The following UGT1A8 variants were observed in gnomAD, a reference collection of about 807,000 sequenced individuals.
UGT1A8 encodes the protein UDP glucuronosyltransferase family 1 member A8.
A neutral mutation model predicts 45.3 loss-of-function variants in UGT1A8; 39 were observed. The observed-to-expected ratio is 0.86, with a 90% CI of 0.67 to 1.12. The LOEUF (loss-of-function observed/expected upper bound fraction) is 1.12, where lower values mean the gene tolerates loss of function less well. Ranked by LOEUF, UGT1A8 falls within the 50% of genes most tolerant of loss-of-function variation. UGT1A8 has a pLI of 0.00. For synonymous variants in UGT1A8, 275 were observed against 249.2 expected, an observed-to-expected ratio of 1.10 and a Z score of -0.97; for missense variants, 719 against 664.9, an observed-to-expected ratio of 1.08 and a Z score of -0.90.
chr2:233,658,527 T>C (rs565484854), intron 1 of UGT1A8, among the ~76,000 whole-genome samples: 1 of 152,282 alleles, frequency 6.6e-6, no homozygotes, highest in East Asian at 1.9e-4. Context: ...CGTGTGACAG[T>C]TTTTCAGACT....
rs144715131 is a variant in UGT1A8, at chr2:233,619,677, A to G, written c.855+1115A>G. On this transcript the variant is annotated intron_variant, in intron 1 of 4. Transcript: ENST00000373450. ...TTTTGAAACTATTTTTTTACAGGGT[A>G]ATTTTTCCATTTCTACAATTAACTG... Among the ~76,000 whole-genome samples the G allele has an allele frequency of 5.9e-5, 9 of 152,288 alleles. No homozygotes were observed. The East Asian group carries it at 1.7e-3, about 29-fold the overall frequency.
At chr2:233,744,513 A>C (rs1259623883) in intron 1 of UGT1A8, among the ~76,000 whole-genome samples, 1 of 151,992 alleles carries the variant, frequency 6.6e-6, no homozygotes, top group Non-Finnish European at 1.5e-5. Context: ...CCCATGACAC[A>C]ATAGCAAATC....
At chr2:233,720,787 C>G (rs369291144) in intron 1 of UGT1A8, among the ~76,000 whole-genome samples, 1 of 151,128 alleles carries the variant, frequency 6.6e-6, no homozygotes, top group Non-Finnish European at 1.5e-5. Flanking sequence ...CTCACTGCAA[C>G]CTTCACCTCC....
At chr2:233,670,245 GAGA>G (rs2074155218) in intron 1 of UGT1A8, among the ~76,000 whole-genome samples, 1 of 152,216 alleles carries the variant, frequency 6.6e-6, no homozygotes, top group African/African-American at 2.4e-5. Context: ...TGAGTAGGCT[GAGA>G]AGGAGGAAGA....
intron 1 of UGT1A8, chr2:233,718,723 T>C (rs1350568030): frequency 1.2e-6 from 2 of 1,610,130 alleles, no homozygotes; most frequent in African/African-American, 2.7e-5. Context: ...CATGCTGATT[T>C]GCTAGGTGGC....
Position 233,729,529 on chromosome 2 carries a change from G to A in UGT1A8, c.856-37505G>A, listed in dbSNP as rs764609992. 2.5e-6 allele frequency: 4 copies of A among 1,614,202 alleles called. No homozygotes were observed. The South Asian group carries it at 3.3e-5, about 13-fold the overall frequency. On this transcript the variant is annotated intron_variant, in intron 1 of 4. Coordinates refer to ENST00000373450, the MANE Select transcript of UGT1A8 (RefSeq NM_019076.5). ...GTCTTGTGTGGAGCTACTACATAAT[G>A]AGGCCCTGATCAGGCACCTGAATGC...
At chr2:233,654,652 C>T (rs1312985863) in intron 1 of UGT1A8, among the ~76,000 whole-genome samples, 6 of 152,226 alleles carry the variant, frequency 3.9e-5, no homozygotes, top group Admixed American at 3.9e-4. Flanking sequence ...GGCGACATAG[C>T]AACACCAATT....
intron 1 of UGT1A8, chr2:233,636,510 C>A (rs773316181): frequency 1.9e-6 from 3 of 1,606,192 alleles, no homozygotes; most frequent in Non-Finnish European, 2.6e-6. Context: ...CTGGCTCGGG[C>A]TGCAGTTCTC....
At chr2:233,736,574 T>G (rs2078777492) in intron 1 of UGT1A8, among the ~76,000 whole-genome samples, 2 of 152,254 alleles carry the variant, frequency 1.3e-5, no homozygotes, top group South Asian at 4.1e-4. Flanking sequence ...GCTGTGATCC[T>G]TTGGAGGAGA....
chr2:233,710,917 C>T (rs1215243421), intron 1 of UGT1A8, among the ~76,000 whole-genome samples: 1 of 152,212 alleles, frequency 6.6e-6, no homozygotes, highest in Non-Finnish European at 1.5e-5. Context: ...GGTCTTTAGA[C>T]CACTTAGTCT....
In UGT1A8 at chr2:233,617,743, A is replaced by T. The variant is rs144352045; in HGVS notation, c.36A>T (p.Leu12=). ...ARTGWTSPIP[L]CVSLLLTCGF... is the part of the protein sequence containing the mutation. The stretch of plus-strand genomic sequence containing the variant: ...CAGGGTGGACCAGCCCCATTCCCCT[A>T]TGTGTTTCTCTGCTGCTGACCTGTG... Residue 12 remains leucine (L), a synonymous_variant, in exon 1 of 5, where the codon CTA becomes CTT. Transcript: ENST00000373450. The T allele has an allele frequency of 1.2e-5, 20 of 1,613,732 alleles. No individual in the cohort carries two copies. Among genetic ancestry groups the T allele is most frequent in the Admixed American group, 3.3e-5 (2 of 59,972 alleles).
intron 1 of UGT1A8, chr2:233,693,748 G>A: frequency 1.2e-6 from 2 of 1,614,248 alleles, no homozygotes; most frequent in Non-Finnish European, 1.7e-6. Context: ...CCTTATATCA[G>A]AAGGTCTCTG....
intron 1 of UGT1A8, among the ~76,000 whole-genome samples, chr2:233,630,750 G>C (rs1288320707): frequency 6.6e-6 from 1 of 151,656 alleles, no homozygotes; most frequent in Non-Finnish European, 1.5e-5. Context: ...TTATTTCTGG[G>C]GTACATGTGG....
At chr2:233,660,716 C>T (rs1002977792) in intron 1 of UGT1A8, among the ~76,000 whole-genome samples, 2 of 152,134 alleles carry the variant, frequency 1.3e-5, no homozygotes, top group African/African-American at 4.8e-5. Context: ...CGCTTCTCTT[C>T]CTTACTTATA....
chr2:233,626,246 AAGTCAATAGC>A (rs935629555), intron 1 of UGT1A8, among the ~76,000 whole-genome samples: 14 of 152,058 alleles, frequency 9.2e-5, no homozygotes, highest in African/African-American at 2.9e-4. Flanking sequence ...GTTGTAATAG[AAGTCAATAGC>A]AGTCTTAAAT....
intron 1 of UGT1A8, chr2:233,760,635 A>G (rs1697508597): frequency 6.2e-7 from 1 of 1,614,006 alleles, no homozygotes; most frequent in African/African-American, 1.3e-5. Context: ...ACAAGAAAAT[A>G]AAAAAGGACT....
chr2:233,743,017 T>C (rs1054805), intron 1 of UGT1A8: 1 of 239,620 alleles, frequency 4.2e-6, no homozygotes, highest in Non-Finnish European at 8.3e-6. Flanking sequence ...TTACAACGAT[T>C]GAAAGACAAA....
intron 1 of UGT1A8, among the ~76,000 whole-genome samples, chr2:233,663,464 C>A (rs113502929): frequency 6.6e-6 from 1 of 151,964 alleles, no homozygotes; most frequent in African/African-American, 2.4e-5. Flanking sequence ...AGCAGATGAG[C>A]CAGTTTATTG....
At chr2:233,682,165 T>C (rs1559339373) in intron 1 of UGT1A8, 2 of 1,614,208 alleles carry the variant, frequency 1.2e-6, no homozygotes, top group Non-Finnish European at 8.5e-7. Flanking sequence ...CAGTGAAGAC[T>C]TACTCAACCT....
Sources: gnomAD v4.1 joint callset for allele counts (sites outside exome capture counted in the v4.1 genomes callset) on GRCh38, gnomAD v4.1.1 for gene constraint, MANE v1.5 for transcripts, NCBI Gene and HGNC (gene_info 2026-07-23, HGNC 2026-07-21) for gene names.